TBC1D1: variants seen among roughly 807,000 people sequenced by gnomAD.
TBC1D1 encodes TBC1 domain family member 1, also known as TBC1 (tre-2/USP6, BUB2, cdc16) domain family, member 1.
TBC1D1 carries 89 observed loss-of-function variants against 125.6 expected under a neutral mutation model. The observed-to-expected ratio is 0.71, with a 90% confidence interval of 0.60 to 0.85. TBC1D1 has a LOEUF of 0.85. Among genes scored for constraint, TBC1D1 ranks in the 40% least tolerant of loss-of-function variants. TBC1D1 has a pLI of 0.00. For synonymous variants in TBC1D1, 565 were observed against 564.1 expected, an observed-to-expected ratio of 1.00 and a Z score of -0.02; for missense variants, 1,377 against 1,469.2, an observed-to-expected ratio of 0.94 and a Z score of 1.03.
At chr4:38,008,402 A>G (rs1025175562) in intron 2 of TBC1D1, among the ~76,000 whole-genome samples, 7 of 152,152 alleles carry the variant, frequency 4.6e-5, no homozygotes, top group Admixed American at 3.9e-4. Context: ...TTAAACAATT[A>G]TTTTGGAGTA....
intron 12 of TBC1D1, among the ~76,000 whole-genome samples, chr4:38,085,641 T>G (rs1164825044): frequency 1.3e-5 from 2 of 152,204 alleles, no homozygotes; most frequent in Admixed American, 6.5e-5. Flanking sequence ...TACACTGGCC[T>G]CTGTGCAGCT....
At chr4:38,091,926 T>C (rs76897956) in intron 13 of TBC1D1, among the ~76,000 whole-genome samples, 1,902 of 152,380 alleles carry the variant, frequency 0.012, 19 homozygotes, top group South Asian at 0.049. Flanking sequence ...TTTTACTGTT[T>C]GACTTCATTT....
At chr4:37,956,056 G>A (rs1001056165) in intron 2 of TBC1D1, among the ~76,000 whole-genome samples, 7 of 148,396 alleles carry the variant, frequency 4.7e-5, no homozygotes, top group Non-Finnish European at 7.4e-5. Context: ...TTGAAACAAC[G>A]TCTCTGTCAC....
At chr4:37,942,762 G>A (rs578222543) in intron 2 of TBC1D1, among the ~76,000 whole-genome samples, 9 of 152,194 alleles carry the variant, frequency 5.9e-5, no homozygotes, top group African/African-American at 1.7e-4. Flanking sequence ...GGATGGTCTC[G>A]ATCTGCTGAC....
intron 1 of TBC1D1, among the ~76,000 whole-genome samples, chr4:37,901,761 G>A (rs2279029): frequency 0.49 from 50,754 of 104,030 alleles, 10,140 homozygotes; most frequent in African/African-American, 0.66. Flanking sequence ...TAGGAGGTTT[G>A]TGTTTCATAG....
intron 2 of TBC1D1, among the ~76,000 whole-genome samples, chr4:37,940,707 G>A (rs1560506108): frequency 6.6e-6 from 1 of 152,070 alleles, no homozygotes; most frequent in South Asian, 2.1e-4. Flanking sequence ...CATCAATACC[G>A]AATTCATTGA....
chr4:37,990,998 T>C (rs187786479), intron 2 of TBC1D1, among the ~76,000 whole-genome samples: 104 of 133,544 alleles, frequency 7.8e-4, no homozygotes, highest in African/African-American at 2.8e-3. Flanking sequence ...GCCTCTACTC[T>C]GTGGCAGGCA....
chr4:38,062,182 T>C (rs954666617), intron 12 of TBC1D1, among the ~76,000 whole-genome samples: 2 of 152,146 alleles, frequency 1.3e-5, no homozygotes, highest in African/African-American at 4.8e-5. Context: ...AGAGGGTGAC[T>C]TGAGAAACTG....
intron 2 of TBC1D1, among the ~76,000 whole-genome samples, chr4:37,989,875 A>T (rs1019287942): frequency 3.9e-5 from 6 of 152,218 alleles, no homozygotes. Flanking sequence ...TCAGAGTGCA[A>T]TGAAGAATTT....
intron 13 of TBC1D1, among the ~76,000 whole-genome samples, chr4:38,091,464 A>G (rs1426764273): frequency 1.3e-5 from 2 of 152,230 alleles, no homozygotes; most frequent in Non-Finnish European, 2.9e-5. Flanking sequence ...TAGTGATGGC[A>G]TTACTGCATG....
intron 7 of TBC1D1, among the ~76,000 whole-genome samples, chr4:38,030,804 G>A (rs983288558): frequency 1.2e-4 from 18 of 152,194 alleles, no homozygotes; most frequent in Admixed American, 7.2e-4. Context: ...TGTAATTACC[G>A]TTGAAATTAA....
chr4:37,982,258 A>ACAGCCATCTGTAAGTCT (rs1734482618), intron 2 of TBC1D1, among the ~76,000 whole-genome samples: 2 of 152,204 alleles, frequency 1.3e-5, no homozygotes, highest in Non-Finnish European at 2.9e-5. Context: ...ATCTGACTAT[A>ACAGCCATCTGTAAGTCT]GCAAATATTT....
chr4:37,951,886 A>G (rs764136325), intron 2 of TBC1D1: 1 of 688,944 alleles, frequency 1.5e-6, no homozygotes, highest in East Asian at 2.7e-5. Flanking sequence ...CAATACTGAC[A>G]TGGAGTTCAG....
chr4:38,052,724 G>GTGCACACACA (rs1362899510), intron 11 of TBC1D1, among the ~76,000 whole-genome samples: 41 of 59,960 alleles, frequency 6.8e-4, no homozygotes, highest in Admixed American at 2.1e-3. Flanking sequence ...GCGCGCGCGC[G>GTGCACACACA]CGCGCACACA....
intron 13 of TBC1D1, among the ~76,000 whole-genome samples, chr4:38,094,121 C>T (rs1020962534): frequency 6.6e-6 from 1 of 152,172 alleles, no homozygotes; most frequent in Non-Finnish European, 1.5e-5. Context: ...GTGTGGGGGT[C>T]ATTTAATTGC....
At chr4:38,085,713 T>C (rs1757375048) in intron 12 of TBC1D1, among the ~76,000 whole-genome samples, 1 of 152,118 alleles carries the variant, frequency 6.6e-6, no homozygotes, top group East Asian at 1.9e-4. Flanking sequence ...TTCTAGAGAG[T>C]AGAAACCTCA....
chr4:38,127,228 C>T (rs6857857), intron 18 of TBC1D1, among the ~76,000 whole-genome samples: 3,586 of 152,098 alleles, frequency 0.024, 146 homozygotes, highest in African/African-American at 0.082. Flanking sequence ...AAAAATAAAA[C>T]GTATTGAGAA....
chr4:38,100,991 T>C (rs184061623), intron 14 of TBC1D1, among the ~76,000 whole-genome samples: 43 of 152,346 alleles, frequency 2.8e-4, no homozygotes, highest in Non-Finnish European at 5.7e-4. Flanking sequence ...ACCGGCCTAA[T>C]GACCTAGGGC....
chr4:37,993,226 A>T (rs537080051), intron 2 of TBC1D1, among the ~76,000 whole-genome samples: 8 of 150,710 alleles, frequency 5.3e-5, no homozygotes, highest in Non-Finnish European at 1.0e-4. Context: ...ATCCTGAGAG[A>T]GAGGGAGAGA....
Sources: gnomAD v4.1 joint callset for allele counts (sites outside exome capture counted in the v4.1 genomes callset) on GRCh38, gnomAD v4.1.1 for gene constraint, MANE v1.5 for transcripts, NCBI Gene and HGNC (gene_info 2026-07-23, HGNC 2026-07-21) for gene names.